COMMD1: variants seen among roughly 807,000 people sequenced by gnomAD.
COMMD1 encodes the protein copper metabolism domain containing 1.
Under a neutral mutation model 17.2 loss-of-function variants are expected in COMMD1, and 10 were observed. The ratio of observed to expected loss-of-function variants is 0.58; its 90% CI spans 0.36 to 0.99. COMMD1 has a LOEUF of 0.99. Ranked by LOEUF, COMMD1 falls within the 50% of genes least tolerant of loss-of-function variation. The pLI is 0.01. For missense variants in COMMD1, 270 were observed against 231.8 expected, an observed-to-expected ratio of 1.17 and a Z score of -1.07; for synonymous variants, 97 against 91.6, an observed-to-expected ratio of 1.06 and a Z score of -0.34.
intron 2 of COMMD1, among the ~76,000 whole-genome samples, chr2:62,088,952 G>A (rs115955762): frequency 0.019 from 2,910 of 152,276 alleles, 42 homozygotes; most frequent in Non-Finnish European, 0.029. Context: ...GGAGAAGGGG[G>A]TTGCAGGCTA....
intron 1 of COMMD1, among the ~76,000 whole-genome samples, chr2:61,957,043 G>A (rs552841466): frequency 1.3e-5 from 2 of 152,126 alleles, no homozygotes; most frequent in African/African-American, 4.8e-5. Flanking sequence ...GAGCCACCAC[G>A]CCCGGCAAGA....
intron 2 of COMMD1, among the ~76,000 whole-genome samples, chr2:62,121,108 G>C (rs889827047): frequency 1.3e-5 from 2 of 152,012 alleles, no homozygotes; most frequent in African/African-American, 4.8e-5. Flanking sequence ...AGTGGCTCAC[G>C]CCTGTAATTC....
At chr2:61,953,390 A>T in intron 1 of COMMD1, among the ~76,000 whole-genome samples, 1 of 136,082 alleles carries the variant, frequency 7.3e-6, no homozygotes. Flanking sequence ...TTTTTTTGAG[A>T]CTGAGTCTCA....
At chr2:62,064,974 C>G (rs1670986947) in intron 2 of COMMD1, among the ~76,000 whole-genome samples, 1 of 152,132 alleles carries the variant, frequency 6.6e-6, no homozygotes, top group African/African-American at 2.4e-5. Context: ...CCAGACCAGC[C>G]TGGGCAACAT....
Position 62,119,056 on chromosome 2 carries a change from T to TAA in COMMD1, c.463-16773_463-16772dup. 2.6e-5 allele frequency: 4 copies of TAA among 152,252 alleles called. No homozygotes were observed. In the South Asian group the frequency reaches 8.3e-4, roughly 32 times the overall value. The allele number at this position is 152,252 out of a possible 1,614,324, so 9.4% of individuals were successfully genotyped here. A position where few individuals can be genotyped will look rare whatever the true frequency, so the allele number is the denominator to read the frequency against. The stretch of plus-strand genomic sequence containing the variant: ...GTAACTGCATTTGGAGATAAACACA[T>TAA]AAAGAGGCAGTTAAGTTACAATGAG... On this transcript the variant is annotated intron_variant, in intron 2 of 2. Transcript: ENST00000311832.
intron 1 of COMMD1, among the ~76,000 whole-genome samples, chr2:61,977,459 G>T (rs1671836178): frequency 6.7e-6 from 1 of 149,868 alleles, no homozygotes; most frequent in African/African-American, 2.4e-5. Context: ...GGTTAGGCTG[G>T]TCTCGAACTC....
chr2:61,924,621 A>G (rs1190012932), intron 1 of COMMD1, among the ~76,000 whole-genome samples: 1 of 152,146 alleles, frequency 6.6e-6, no homozygotes, highest in Non-Finnish European at 1.5e-5. Flanking sequence ...GGGCAGTTAC[A>G]GTGAGTGAAG....
chr2:62,011,794 T>C (rs1295902276), intron 2 of COMMD1, among the ~76,000 whole-genome samples: 1 of 152,186 alleles, frequency 6.6e-6, no homozygotes, highest in Non-Finnish European at 1.5e-5. Flanking sequence ...ACCCAGGAAG[T>C]TGAAGAAGGC....
chr2:62,012,270 TACAC>T (rs57739132), intron 2 of COMMD1, among the ~76,000 whole-genome samples: 6,907 of 129,802 alleles, frequency 0.053, 243 homozygotes, highest in East Asian at 0.11. Flanking sequence ...CACACACACA[TACAC>T]ACACACACAC....
At position 62,064,437 on chromosome 2, in the gene COMMD1, G is replaced by T. The variant is rs1670968799; in HGVS notation, c.462+63455G>T. Among the ~76,000 whole-genome samples, 7 of 152,284 alleles carry T rather than the reference G, an allele frequency of 4.6e-5. No homozygotes were observed. The South Asian group carries it at 1.5e-3, about 32-fold the overall frequency. On this transcript the variant is annotated intron_variant, in intron 2 of 2. Transcript: ENST00000311832. ...GATCCACCCACCTTGGCCTCCCAAA[G>T]TGCTGGGATTATAGGCATGTGCCAC...
At chr2:62,101,967 G>A (rs1573188178) in intron 2 of COMMD1, among the ~76,000 whole-genome samples, 1 of 152,172 alleles carries the variant, frequency 6.6e-6, no homozygotes, top group East Asian at 1.9e-4. Context: ...TCAGCCTATA[G>A]TACTGAAATT....
In COMMD1 at chr2:62,105,686, G is replaced by A. The variant is rs548977410; in HGVS notation, c.463-30145G>A. Among the ~76,000 whole-genome samples, 4 of 152,288 alleles carry A rather than the reference G, an allele frequency of 2.6e-5. No homozygotes were observed. The East Asian group carries it at 5.8e-4, about 22-fold the overall frequency. ...TAAAAATATGAAAATTAGCTGGGGTGGTGGCAGGCGCTTGTAATCCCAGCT... is the reference window on the plus strand; with the variant it reads ...TAAAAATATGAAAATTAGCTGGGGTAGTGGCAGGCGCTTGTAATCCCAGCT... On this transcript the variant is annotated intron_variant, in intron 2 of 2. Transcript: ENST00000311832.
At chr2:61,916,145 T>C (rs1381073009) in intron 1 of COMMD1, among the ~76,000 whole-genome samples, 1 of 151,920 alleles carries the variant, frequency 6.6e-6, no homozygotes, top group Non-Finnish European at 1.5e-5. Context: ...TATTTCTTTG[T>C]AGAGATGGGT....
At chr2:61,986,552 G>A (rs926907831) in intron 1 of COMMD1, among the ~76,000 whole-genome samples, 6 of 144,526 alleles carry the variant, frequency 4.2e-5, no homozygotes, top group African/African-American at 7.7e-5. Flanking sequence ...AAATAATCTC[G>A]TAGGCATCAT....
At chr2:62,039,243 A>C (rs111680366) in intron 2 of COMMD1, among the ~76,000 whole-genome samples, 1 of 152,282 alleles carries the variant, frequency 6.6e-6, no homozygotes, top group South Asian at 2.1e-4. Context: ...TGCACTTCAC[A>C]TTTTTTAAGG....
chr2:61,915,217 G>A (rs1670019004), intron 1 of COMMD1, among the ~76,000 whole-genome samples: 2 of 151,896 alleles, frequency 1.3e-5, no homozygotes, highest in Non-Finnish European at 2.9e-5. Flanking sequence ...TGTTGGTCAG[G>A]TTGGTCTCCA....
chr2:61,896,885 A>G (rs1342648444), intron 1 of COMMD1, among the ~76,000 whole-genome samples: 1 of 143,382 alleles, frequency 7.0e-6, no homozygotes, highest in African/African-American at 2.6e-5. Context: ...GTGCAGTGGC[A>G]CCATCTTGAT....
At chr2:62,102,238 C>T (rs1672202238) in intron 2 of COMMD1, among the ~76,000 whole-genome samples, 1 of 152,210 alleles carries the variant, frequency 6.6e-6, no homozygotes, top group South Asian at 2.1e-4. Context: ...CACCTGGACT[C>T]CTCTTCCATG....
intron 2 of COMMD1, among the ~76,000 whole-genome samples, chr2:62,115,634 T>C (rs1377560211): frequency 1.3e-5 from 2 of 152,164 alleles, no homozygotes; most frequent in Non-Finnish European, 2.9e-5. Flanking sequence ...TTATCAATAT[T>C]ATATAACTGT....
Sources: gnomAD v4.1 joint callset for allele counts (sites outside exome capture counted in the v4.1 genomes callset) on GRCh38, gnomAD v4.1.1 for gene constraint, MANE v1.5 for transcripts, NCBI Gene and HGNC (gene_info 2026-07-23, HGNC 2026-07-21) for gene names.